Variants in EPS15L1 observed in about 807,000 individuals in gnomAD.
EPS15L1 encodes the protein epidermal growth factor receptor substrate 15-like 1.
In EPS15L1, 43 loss-of-function variants were observed where a neutral mutation model predicts 117.1. That is an observed-to-expected ratio of 0.37 (90% CI 0.29 to 0.47). The LOEUF is 0.47. EPS15L1 is among the 20% of genes least tolerant of loss of function. The pLI is 0.99. For missense variants in EPS15L1, 981 were observed against 1,164.0 expected, an observed-to-expected ratio of 0.84 and a Z score of 2.29; for synonymous variants, 459 against 470.5, an observed-to-expected ratio of 0.98 and a Z score of 0.32.
chr19:16,467,097 C>T (rs1219753817), intron 1 of EPS15L1, among the ~76,000 whole-genome samples: 2 of 150,988 alleles, frequency 1.3e-5, no homozygotes, highest in African/African-American at 4.9e-5. Context: ...ATCTAAGGAC[C>T]TAAACATTGA....
chr19:16,369,319 T>C (rs1218981080), intron 22 of EPS15L1, among the ~76,000 whole-genome samples: 4 of 152,154 alleles, frequency 2.6e-5, no homozygotes, highest in Non-Finnish European at 5.9e-5. Flanking sequence ...ACTAAAAATA[T>C]TTACCGAATT....
chr19:16,416,342 G>A lies in EPS15L1; in HGVS notation c.1193+1210C>T, dbSNP rs1023328807. ...GTCCACCCTGTCCTAGAATCGACTGGAAAAAAGATGCTGGCTGGCACAGTG... is the reference window on the plus strand; with the variant it reads ...GTCCACCCTGTCCTAGAATCGACTGAAAAAAAGATGCTGGCTGGCACAGTG... On this transcript the variant is annotated intron_variant, in intron 12 of 23. Transcript: ENST00000455140. Among the ~76,000 whole-genome samples, 6 of 151,988 alleles carry A rather than the reference G, an allele frequency of 3.9e-5. 1 individual carries two copies. The highest frequency in any genetic ancestry group is 6.6e-5 in the Admixed American group (1 of 15,250).
At chr19:16,448,094 G>A (rs995362079) in intron 1 of EPS15L1, among the ~76,000 whole-genome samples, 3 of 152,210 alleles carry the variant, frequency 2.0e-5, no homozygotes, top group African/African-American at 7.2e-5. Context: ...CGTACAAAAT[G>A]TAACTCAAAG....
chr19:16,427,120 C>G (rs548835975), intron 8 of EPS15L1, among the ~76,000 whole-genome samples: 54 of 152,180 alleles, frequency 3.5e-4, no homozygotes, highest in South Asian at 1.7e-3. Context: ...AAAGATAAAA[C>G]AAATGTAGGA....
intron 1 of EPS15L1, among the ~76,000 whole-genome samples, chr19:16,446,218 G>A (rs183509051): frequency 6.6e-6 from 1 of 152,270 alleles, no homozygotes; most frequent in Non-Finnish European, 1.5e-5. Flanking sequence ...AAACCCAGCA[G>A]AACCACCTCG....
intron 9 of EPS15L1, among the ~76,000 whole-genome samples, chr19:16,423,224 G>C (rs1475187356): frequency 6.6e-6 from 1 of 152,178 alleles, no homozygotes; most frequent in African/African-American, 2.4e-5. Flanking sequence ...CACGTAGCAA[G>C]TATGTGTGAT....
chr19:16,388,584 T>C (rs143525777), intron 19 of EPS15L1, among the ~76,000 whole-genome samples: 3,757 of 152,152 alleles, frequency 0.025, 122 homozygotes, highest in Admixed American at 0.088. Flanking sequence ...TCCCAGCACT[T>C]TGGGAGGCCA....
intron 15 of EPS15L1, 151 bp downstream of exon 15, chr19:16,403,581 GC>G: frequency 1.4e-6 from 1 of 719,736 alleles, no homozygotes; most frequent in South Asian, 1.8e-5. Flanking sequence ...GGAGTCCTTG[GC>G]CCTGCGCCTC....
rs538842762 is a variant in EPS15L1 at position 16,468,753 on chromosome 19, C to T, written c.33+3160G>A. Among the ~76,000 whole-genome samples, 11 of 152,212 alleles carry T rather than the reference C, an allele frequency of 7.2e-5. No individual in the cohort carries two copies. The South Asian group carries it at 1.5e-3, about 20-fold the overall frequency. On this transcript the variant is annotated intron_variant, in intron 1 of 23. Coordinates refer to ENST00000455140, the MANE Select transcript of EPS15L1 (RefSeq NM_001258374.3). ...CCTAGCCAGATGCAGTGGCTGACAC[C>T]GTAATTCCAATACTTTAGGAGGCTG...
chr19:16,358,750 T>C (rs2092014866), intron 23 of EPS15L1, among the ~76,000 whole-genome samples: 1 of 152,242 alleles, frequency 6.6e-6, no homozygotes, highest in Non-Finnish European at 1.5e-5. Context: ...CCCCACCATG[T>C]GCAGGACATG....
chr19:16,424,311 G>A (rs2092846659), intron 9 of EPS15L1, among the ~76,000 whole-genome samples: 1 of 152,126 alleles, frequency 6.6e-6, no homozygotes, highest in South Asian at 2.1e-4. Context: ...CGTGGGGGCA[G>A]GAGCTATACC....
In EPS15L1 at chr19:16,418,053, C is replaced by T. The variant is rs371858696; in HGVS notation, c.1002G>A (p.Ala334=). The T allele has an allele frequency of 2.4e-5, 38 of 1,614,074 alleles. No homozygotes were observed. The highest frequency in any genetic ancestry group is 3.3e-5 in the South Asian group (3 of 91,094). Residue 334 remains alanine (A), a synonymous_variant, in exon 11 of 24, where the codon GCG becomes GCA. Transcript: ENST00000455140. The part of the protein sequence containing the change: ...QTGKLSKDQF[A]LAMYFIQQKV... ...TCTGCTGAATGAAATACATAGCTAA[C>T]GCGAATTGGTCTTTGCTTAACTTCC...
At chr19:16,363,354 C>T (rs887147597) in intron 22 of EPS15L1, among the ~76,000 whole-genome samples, 2 of 152,222 alleles carry the variant, frequency 1.3e-5, no homozygotes, top group Admixed American at 1.3e-4. Context: ...TCTGGCTGCA[C>T]CTCCAGAGAG....
intron 7 of EPS15L1, among the ~76,000 whole-genome samples, chr19:16,431,236 CA>C (rs370688830): frequency 0.016 from 2,053 of 125,384 alleles, 44 homozygotes; most frequent in African/African-American, 0.057. Context: ...GACTTCATCT[CA>C]AAAAAAAAAA....
chr19:16,444,544 A>T (rs1477688082), intron 1 of EPS15L1, among the ~76,000 whole-genome samples: 1 of 152,148 alleles, frequency 6.6e-6, no homozygotes, highest in African/African-American at 2.4e-5. Context: ...CACAGAAAGG[A>T]GGCCAAGGCA....
intron 22 of EPS15L1, among the ~76,000 whole-genome samples, chr19:16,375,873 G>A (rs865997312): frequency 2.0e-5 from 3 of 152,090 alleles, no homozygotes; most frequent in Admixed American, 6.5e-5. Flanking sequence ...GGAGAGAGGC[G>A]GTGTTCTAAA....
At chr19:16,446,364 C>G (rs1399132096) in intron 1 of EPS15L1, among the ~76,000 whole-genome samples, 4 of 152,214 alleles carry the variant, frequency 2.6e-5, no homozygotes, top group Admixed American at 1.3e-4. Context: ...AACTCTCACT[C>G]TCACTCTGCT....
intron 16 of EPS15L1, among the ~76,000 whole-genome samples, chr19:16,400,394 C>T (rs1004089367): frequency 6.7e-6 from 1 of 148,894 alleles, no homozygotes; most frequent in African/African-American, 2.5e-5. Context: ...GAGATAAAGT[C>T]ACACTGCGTG....
intron 7 of EPS15L1, among the ~76,000 whole-genome samples, chr19:16,432,555 G>A (rs1184222017): frequency 2.0e-5 from 3 of 151,828 alleles, no homozygotes; most frequent in African/African-American, 7.3e-5. Context: ...GCAACAGAGC[G>A]AGACTCTGTC....
Sources: gnomAD v4.1 joint callset for allele counts (sites outside exome capture counted in the v4.1 genomes callset) on GRCh38, gnomAD v4.1.1 for gene constraint, MANE v1.5 for transcripts, NCBI Gene and HGNC (gene_info 2026-07-23, HGNC 2026-07-21) for gene names.